Variants in POLR3B observed in about 807,000 individuals in gnomAD.
The protein encoded by POLR3B is DNA-directed RNA polymerase III subunit RPC2.
In POLR3B, 96 loss-of-function variants were observed where a neutral mutation model predicts 147.4. The ratio of observed to expected loss-of-function variants is 0.65; its 90% CI spans 0.55 to 0.77. The LOEUF is 0.77. Among genes scored for constraint, POLR3B ranks in the 30% least tolerant of loss-of-function variants. The pLI is 0.00. For missense variants in POLR3B, 1,036 were observed against 1,413.5 expected (o/e 0.73, Z 4.28); for synonymous variants, 461 against 485.9 (o/e 0.95, Z 0.67).
At chr12:106,442,342 C>A (rs1219754067) in intron 18 of POLR3B, among the ~76,000 whole-genome samples, 1 of 152,064 alleles carries the variant, frequency 6.6e-6, no homozygotes, top group Non-Finnish European at 1.5e-5. Flanking sequence ...TGGAAAATGT[C>A]AACTTGGCCA....
At chr12:106,399,053 C>T (rs985189990) in intron 10 of POLR3B, among the ~76,000 whole-genome samples, 3 of 151,968 alleles carry the variant, frequency 2.0e-5, no homozygotes, top group African/African-American at 2.4e-5. Context: ...GGAGGAAGTT[C>T]GAACCAATGG....
intron 19 of POLR3B, among the ~76,000 whole-genome samples, chr12:106,448,427 CTTTTTTTTTTT>C (rs869133588): frequency 0.012 from 600 of 50,572 alleles, 9 homozygotes; most frequent in African/African-American, 0.041. Context: ...TACGTTATTT[CTTTTTTTTTTT>C]TTTTTTTTTT....
chr12:106,366,609 G>A (rs371743971), intron 3 of POLR3B, 37 bp downstream of exon 3: 35 of 1,596,184 alleles, frequency 2.2e-5, no homozygotes, highest in Non-Finnish European at 2.8e-5. Flanking sequence ...ATAAACTAAG[G>A]ATTAATTGGA....
intron 25 of POLR3B, among the ~76,000 whole-genome samples, chr12:106,500,510 T>C (rs2038581478): frequency 6.6e-6 from 1 of 152,106 alleles, no homozygotes; most frequent in African/African-American, 2.4e-5. Context: ...TACACCACGG[T>C]ATCAAAAGGG....
chr12:106,420,646 G>A (rs529777397), intron 12 of POLR3B, among the ~76,000 whole-genome samples: 1 of 152,084 alleles, frequency 6.6e-6, no homozygotes, highest in Non-Finnish European at 1.5e-5. Flanking sequence ...CTACCAATTC[G>A]GGAAACAGAG....
chr12:106,443,191 T>C (rs148635757), intron 18 of POLR3B, among the ~76,000 whole-genome samples: 1 of 152,338 alleles, frequency 6.6e-6, no homozygotes, highest in African/African-American at 2.4e-5. Flanking sequence ...TTACACTTTT[T>C]TTCCTACTAT....
chr12:106,429,271 C>T (rs2037477001), intron 13 of POLR3B, among the ~76,000 whole-genome samples: 1 of 152,186 alleles, frequency 6.6e-6, no homozygotes, highest in Admixed American at 6.5e-5. Context: ...TCCCACATAG[C>T]TAGAAATACA....
At chr12:106,392,350 A>G (rs1032273831) in intron 9 of POLR3B, among the ~76,000 whole-genome samples, 3 of 152,046 alleles carry the variant, frequency 2.0e-5, no homozygotes, top group Non-Finnish European at 4.4e-5. Context: ...TTTAGTAGAG[A>G]TGAGGTTTCG....
intron 2 of POLR3B, among the ~76,000 whole-genome samples, chr12:106,365,057 C>T (rs548184024): frequency 1.1e-4 from 16 of 152,194 alleles, no homozygotes; most frequent in Non-Finnish European, 1.8e-4. Context: ...ATAGCTTGAA[C>T]CTGGGAGGCA....
intron 23 of POLR3B, among the ~76,000 whole-genome samples, chr12:106,480,126 A>G (rs1213583452): frequency 6.6e-6 from 1 of 151,810 alleles, no homozygotes; most frequent in East Asian, 1.9e-4. Flanking sequence ...ATGGCATTTG[A>G]ACCTTGGGAT....
At chr12:106,432,883 C>T (rs1219672173) in intron 15 of POLR3B, among the ~76,000 whole-genome samples, 1 of 152,176 alleles carries the variant, frequency 6.6e-6, no homozygotes, top group Non-Finnish European at 1.5e-5. Context: ...TGTCAGCAGC[C>T]TGTGATAAGA....
chr12:106,488,999 G>A (rs2137066474), intron 23 of POLR3B, among the ~76,000 whole-genome samples: 1 of 152,158 alleles, frequency 6.6e-6, no homozygotes, highest in East Asian at 1.9e-4. Context: ...GGACTCCTTT[G>A]ATGTGGAGAG....
chr12:106,410,188 T>C (rs905500180), intron 11 of POLR3B: 3 of 152,906 alleles, frequency 2.0e-5, no homozygotes, highest in African/African-American at 7.2e-5. Flanking sequence ...TTGACCGGGT[T>C]TAACTTAAGG....
At chr12:106,368,693 T>C (rs974682670) in intron 4 of POLR3B, among the ~76,000 whole-genome samples, 1 of 152,290 alleles carries the variant, frequency 6.6e-6, no homozygotes, top group South Asian at 2.1e-4. Context: ...CCAGGGTTAC[T>C]TACATTAGTT....
intron 12 of POLR3B, among the ~76,000 whole-genome samples, chr12:106,411,311 T>C (rs2037223745): frequency 6.6e-6 from 1 of 152,096 alleles, no homozygotes; most frequent in Non-Finnish European, 1.5e-5. Context: ...GCTAATTTTG[T>C]ATTTTTGGTA....
At chr12:106,410,536 A>T in intron 11 of POLR3B, 1 of 409,740 alleles carries the variant, frequency 2.4e-6, no homozygotes, top group South Asian at 2.4e-5. Flanking sequence ...ATCCCAAGGG[A>T]GTGATAGATT....
intron 18 of POLR3B, among the ~76,000 whole-genome samples, chr12:106,442,927 GC>G (rs2037672708): frequency 1.3e-5 from 2 of 152,076 alleles, no homozygotes; most frequent in Non-Finnish European, 2.9e-5. Flanking sequence ...TGAATTTTCT[GC>G]AGAAATATAT....
rs2037841046 is a variant in POLR3B, at chr12:106,454,592, T to C, written c.2174T>C (p.Ile725Thr). 1.2e-6 allele frequency: 2 copies of C among 1,608,260 alleles called. No homozygotes were observed. The highest frequency in any genetic ancestry group is 1.7e-6 in the Non-Finnish European group (2 of 1,174,958). Residue 725 changes from isoleucine (I) to threonine (T), a missense_variant, in exon 20 of 28, where the codon ATT (isoleucine) becomes ACT (threonine). By Grantham distance (89) the Ile-to-Thr change is moderately conservative. Around this residue, in one of 12 missense-constraint regions of POLR3B, gnomAD observed 202 missense variants for 272.8 expected, o/e 0.74. Coordinates refer to ENST00000228347, the MANE Select transcript of POLR3B (RefSeq NM_018082.6). ...AAACCCATGGTTAAGACAAAAACCA[T>C]TGAATTGATAGAATTTGAGAAACTG... Reference protein sequence around the residue: ...PQKPMVKTKTIELIEFEKLPA... With the variant: ...PQKPMVKTKTTELIEFEKLPA...
Position 106,366,842 on chromosome 12 carries a change from C to T in POLR3B, c.227+120C>T, listed in dbSNP as rs1043882715. 1.1e-5 allele frequency: 9 copies of T among 818,802 alleles called. No homozygotes were observed. In the African/African-American group the frequency reaches 1.2e-4, roughly 11 times the overall value. 50.7% of individuals were successfully genotyped at this position (818,802 alleles called of 1,614,324 possible). A position where few individuals can be genotyped will look rare whatever the true frequency, so the allele number is the denominator to read the frequency against. ...TCTTGGCCAGGCTCGGTGGCTTATG[C>T]CTGTAATACCAAGCACTTTGGGAGG... On this transcript the variant is annotated intron_variant, in intron 4 of 27. Transcript: ENST00000228347.
Sources: gnomAD v4.1 joint callset for allele counts (sites outside exome capture counted in the v4.1 genomes callset) on GRCh38, gnomAD v4.1.1 for gene constraint, gnomAD v4.1.1 regional missense constraint, MANE v1.5 for transcripts, NCBI Gene and HGNC (gene_info 2026-07-23, HGNC 2026-07-21) for gene names.